SCAMP4: variants seen among roughly 807,000 people sequenced by gnomAD.
The protein encoded by SCAMP4 is secretory carrier-associated membrane protein 4.
In SCAMP4, 19 loss-of-function variants were observed where a neutral mutation model predicts 32.1. The ratio of observed to expected loss-of-function variants is 0.59; its 90% confidence interval spans 0.41 to 0.87. The LOEUF is 0.87. Ranked by LOEUF, SCAMP4 falls within the 40% of genes least tolerant of loss-of-function variation. SCAMP4 has a pLI of 0.00. For synonymous variants in SCAMP4, 152 were observed against 132.7 expected (o/e 1.15, Z -1.00); for missense variants, 302 against 309.0 (o/e 0.98, Z 0.17).
chr19:1,921,572 G>A (rs765805137), intron 5 of SCAMP4: 172 of 985,350 alleles, frequency 1.7e-4, no homozygotes, highest in Non-Finnish European at 2.0e-4. Context: ...GCATGCGGGG[G>A]CGTGCGATGC....
chr19:1,918,800 T>G, intron 4 of SCAMP4, 89 bp from the exon 5 acceptor site: 1 of 1,495,206 alleles, frequency 6.7e-7, no homozygotes, highest in Non-Finnish European at 9.0e-7. Flanking sequence ...GCCTCCGCTC[T>G]CACCATCTCT....
intron 1 of SCAMP4, 83 bp downstream of exon 1, chr19:1,905,522 G>A: frequency 5.5e-6 from 2 of 361,706 alleles, no homozygotes; most frequent in South Asian, 3.6e-5. Flanking sequence ...GGGGGGTCTC[G>A]GCGGTGAGGG....
Position 1,922,227 on chromosome 19 carries a change from T to C in SCAMP4, c.396-843T>C, listed in dbSNP as rs969528374. The C allele has an allele frequency of 8.9e-5, 88 of 985,446 alleles. No homozygotes were observed. The African/African-American group carries it at 1.4e-3, about 16-fold the overall frequency. 61.0% of individuals were successfully genotyped at this position (985,446 alleles called of 1,614,324 possible). A position where few individuals can be genotyped will look rare whatever the true frequency, so the allele number is the denominator to read the frequency against. On this transcript the variant is annotated intron_variant, in intron 5 of 6. Transcript: ENST00000316097. ...ACCCAGGGCGTGCTGGCCTTCCCAG[T>C]GTCCCACTGGTGGCTGATCTAAGCA... is the stretch of plus-strand genomic sequence containing the variant.
At chr19:1,921,141 C>T (rs1054911853) in intron 5 of SCAMP4, 29 of 985,350 alleles carry the variant, frequency 2.9e-5, no homozygotes, top group East Asian at 1.1e-4. Flanking sequence ...ACGCTCAGTG[C>T]GCTGCTGTGG....
At position 1,918,115 on chromosome 19, in the gene SCAMP4, C is replaced by T. The variant is rs368065399; in HGVS notation, c.137-12C>T. On this transcript the variant is annotated splice_polypyrimidine_tract_variant and intron_variant, in intron 3 of 6. Transcript: ENST00000316097. ...CCGTGCCTGCTCATCCGTCCTCCCTCTCTCTTCGCAGTTTACTGCGCCACC... is the reference window on the plus strand; with the variant it reads ...CCGTGCCTGCTCATCCGTCCTCCCTTTCTCTTCGCAGTTTACTGCGCCACC... 5.6e-5 allele frequency: 90 copies of T among 1,604,066 alleles called. No homozygotes were observed. Among genetic ancestry groups the T allele is most frequent in the African/African-American group, 2.9e-4 (22 of 74,980 alleles).
chr19:1,920,967 G>A (rs927824093), intron 5 of SCAMP4: 35 of 985,306 alleles, frequency 3.6e-5, no homozygotes, highest in Non-Finnish European at 4.0e-5. Context: ...CGCAGGTCAC[G>A]GGAGAAGCTG....
intron 5 of SCAMP4, chr19:1,922,048 G>A (rs933264680): frequency 5.1e-6 from 5 of 985,498 alleles, no homozygotes; most frequent in African/African-American, 1.7e-5. Context: ...GTCAGCAGGA[G>A]AGAGACTGTA....
Position 1,923,100 on chromosome 19 carries a change from G to A in SCAMP4, c.426G>A (p.Gln142=). ...CGWLSAIGFF[Q]YSPGAAVVML... is the part of the protein sequence containing the mutation. ...GGCTGTCGGCAATTGGATTCTTCCA[G>A]TACAGCCCGGGCGCTGCCGTGGTCA... Residue 142 remains glutamine (Q), a synonymous_variant, in exon 6 of 7, where the codon CAG becomes CAA. Coordinates refer to ENST00000316097, the MANE Select transcript of SCAMP4 (RefSeq NM_079834.4). 1 of 1,552,192 alleles carries A rather than the reference G, an allele frequency of 6.4e-7. No individual in the cohort carries two copies. Among genetic ancestry groups the A allele is most frequent in the South Asian group, 1.2e-5 (1 of 83,912 alleles).
chr19:1,924,025 G>T lies in SCAMP4; in HGVS notation c.514-83G>T. ...TCTGTCTGCCTCGGCCTCCCGAAGT[G>T]CTGGGATGACAGGCGTGAGTCCCCG... is the stretch of plus-strand genomic sequence containing the variant. On this transcript the variant is annotated intron_variant, in intron 6 of 6. Transcript: ENST00000316097. 1.8e-6 allele frequency: 2 copies of T among 1,107,540 alleles called. 1 individual carries two copies. Among genetic ancestry groups the T allele is most frequent in the Non-Finnish European group, 2.6e-6 (2 of 775,494 alleles). The allele number at this position is 1,107,540 out of a possible 1,614,324, so 68.6% of individuals were successfully genotyped here.
intron 2 of SCAMP4, among the ~76,000 whole-genome samples, chr19:1,916,873 C>T (rs962511949): frequency 6.6e-6 from 1 of 152,250 alleles, no homozygotes; most frequent in Non-Finnish European, 1.5e-5. Context: ...CCTGCTGAGC[C>T]TGCATGTTGG....
chr19:1,911,459 G>T (rs1269801873), intron 1 of SCAMP4, among the ~76,000 whole-genome samples: 1 of 152,154 alleles, frequency 6.6e-6, no homozygotes, highest in Non-Finnish European at 1.5e-5. Context: ...GGCGTGAGCC[G>T]CTGGTACCTA....
At chr19:1,912,949 A>T in intron 1 of SCAMP4, 1 of 1,610,356 alleles carries the variant, frequency 6.2e-7, no homozygotes, top group Non-Finnish European at 8.5e-7. Context: ...TACGACCTGT[A>T]CGTGACCCGC....
intron 1 of SCAMP4, chr19:1,912,281 G>C: frequency 6.3e-7 from 1 of 1,585,870 alleles, no homozygotes; most frequent in African/African-American, 1.4e-5. Context: ...TCCTGAAGGA[G>C]GTGTCGGCCC....
Position 1,924,317 on chromosome 19 carries a change from C to G in SCAMP4, c.*33C>G. The G allele has an allele frequency of 6.5e-7, 1 of 1,544,746 alleles. No homozygotes were observed. The highest frequency in any genetic ancestry group is 8.7e-7 in the Non-Finnish European group (1 of 1,144,390). On this transcript the variant is annotated 3_prime_UTR_variant, in exon 7 of 7. Coordinates refer to ENST00000316097, the MANE Select transcript of SCAMP4 (RefSeq NM_079834.4). ...CTGCCCTGCCCCCACCGCCCACCACCTCCTCCCCTTCATTCCTGCTGCTAC... is the reference window on the plus strand; with the variant it reads ...CTGCCCTGCCCCCACCGCCCACCACGTCCTCCCCTTCATTCCTGCTGCTAC...
In SCAMP4 at chr19:1,912,560, G is replaced by A; in HGVS notation, c.-41-2419G>A. On this transcript the variant is annotated intron_variant, in intron 1 of 6. Coordinates refer to ENST00000316097, the MANE Select transcript of SCAMP4 (RefSeq NM_079834.4). ...CCACGTCCTTCCACGAGGACAAGCAGGTGACCAGCGCCCTGGCTGGGCGGC... is the reference window on the plus strand; with the variant it reads ...CCACGTCCTTCCACGAGGACAAGCAAGTGACCAGCGCCCTGGCTGGGCGGC... The A allele has an allele frequency of 2.0e-6, 3 of 1,499,930 alleles. 1 individual carries two copies. In the South Asian group the frequency reaches 3.7e-5, roughly 19 times the overall value. The allele number at this position is 1,499,930 out of a possible 1,614,324, so 92.9% of individuals were successfully genotyped here. A position where few individuals can be genotyped will look rare whatever the true frequency, so the allele number is the denominator to read the frequency against.
chr19:1,912,963 C>T (rs950551345), intron 1 of SCAMP4: 21 of 1,610,178 alleles, frequency 1.3e-5, no homozygotes, highest in Non-Finnish European at 1.8e-5. Flanking sequence ...GACCCGCGAG[C>T]CCTGCGCCAT....
chr19:1,909,904 C>A (rs557567911), intron 1 of SCAMP4, among the ~76,000 whole-genome samples: 4 of 152,214 alleles, frequency 2.6e-5, no homozygotes, highest in Non-Finnish European at 5.9e-5. Flanking sequence ...GCTTACGTTT[C>A]GTGGCTTGTC....
chr19:1,918,679 T>C, intron 4 of SCAMP4: 1 of 731,636 alleles, frequency 1.4e-6, no homozygotes, highest in Non-Finnish European at 2.1e-6. Flanking sequence ...AGAGAATCGC[T>C]TGAACCCGGG....
chr19:1,912,863 C>T (rs1453941393), intron 1 of SCAMP4: 3 of 1,599,974 alleles, frequency 1.9e-6, no homozygotes, highest in Non-Finnish European at 2.5e-6. Context: ...CGGCCGCTGC[C>T]CCCCAGGCCG....
Sources: allele counts gnomAD v4.1 joint callset (sites outside exome capture counted in the v4.1 genomes callset), GRCh38; gene constraint gnomAD v4.1.1; transcripts MANE v1.5; gene names NCBI Gene and HGNC (gene_info 2026-07-23, HGNC 2026-07-21).